TMOD1: variants seen among roughly 807,000 people sequenced by gnomAD.
The protein encoded by TMOD1 is tropomodulin 1, also known as tropomodulin-1.
In TMOD1, 17 loss-of-function variants were observed where a neutral mutation model predicts 40.6. That is an observed-to-expected ratio of 0.42 (90% confidence interval 0.29 to 0.63). The LOEUF (loss-of-function observed/expected upper bound fraction) is 0.63, where lower values mean the gene tolerates loss of function less well. Among genes scored for constraint, TMOD1 ranks in the 20% least tolerant of loss-of-function variants. TMOD1 has a pLI of 0.22. For synonymous variants in TMOD1, 181 were observed against 175.0 expected (o/e 1.03, Z -0.27); for missense variants, 391 against 447.6 (o/e 0.87, Z 1.14).
At chr9:97,559,794 AATATATATAT>A (rs1193457397) in intron 4 of TMOD1, among the ~76,000 whole-genome samples, 16 of 23,172 alleles carry the variant, frequency 6.9e-4, no homozygotes, top group African/African-American at 2.3e-3. Context: ...AAAAAAAAAA[AATATATATAT>A]ATATATATAT....
At chr9:97,526,066 C>T (rs1179096833) in intron 2 of TMOD1, among the ~76,000 whole-genome samples, 1 of 152,204 alleles carries the variant, frequency 6.6e-6, no homozygotes, top group Non-Finnish European at 1.5e-5. Flanking sequence ...GCATATACAG[C>T]CTTCTGGAGA....
At chr9:97,569,779 A>G (rs1243450452) in intron 8 of TMOD1, among the ~76,000 whole-genome samples, 13 of 151,550 alleles carry the variant, frequency 8.6e-5, no homozygotes, top group Admixed American at 8.6e-4. Flanking sequence ...TTTTCAGAAA[A>G]TAGTCCAGAC....
chr9:97,521,390 C>A (rs1014008567), intron 1 of TMOD1, among the ~76,000 whole-genome samples: 2 of 152,160 alleles, frequency 1.3e-5, no homozygotes, highest in African/African-American at 4.8e-5. Flanking sequence ...TGCAGCCTCT[C>A]TAAGAGATGC....
intron 1 of TMOD1, among the ~76,000 whole-genome samples, chr9:97,509,508 T>G (rs1337048436): frequency 2.5e-5 from 3 of 121,228 alleles, no homozygotes; most frequent in East Asian, 4.5e-4. Flanking sequence ...AGGTTTTTTT[T>G]TTTGTTTTTT....
chr9:97,525,833 TTTTAATGGAATTG>T (rs1830006558), intron 2 of TMOD1, among the ~76,000 whole-genome samples: 1 of 152,230 alleles, frequency 6.6e-6, no homozygotes, highest in Non-Finnish European at 1.5e-5. Flanking sequence ...TTAACTTCCA[TTTTAATGGAATTG>T]TTGTGTCTCC....
At chr9:97,506,046 A>C (rs906884751) in intron 1 of TMOD1, among the ~76,000 whole-genome samples, 4 of 151,704 alleles carry the variant, frequency 2.6e-5, no homozygotes, top group African/African-American at 7.3e-5. Flanking sequence ...ACTCCTCCAA[A>C]TTCTCTTTAC....
intron 2 of TMOD1, among the ~76,000 whole-genome samples, chr9:97,531,638 C>A (rs1331631191): frequency 6.6e-6 from 1 of 152,064 alleles, no homozygotes; most frequent in Non-Finnish European, 1.5e-5. Flanking sequence ...AACAAAGGGC[C>A]ATGAATTGCA....
At position 97,557,427 on chromosome 9, in the gene TMOD1, G is replaced by A. The variant is rs185789669; in HGVS notation, c.397+4027G>A. 6.6e-6 allele frequency among the ~76,000 whole-genome samples: 1 copy of A among 152,290 alleles called. No individual in the cohort carries two copies. Among genetic ancestry groups the A allele is most frequent in the Admixed American group, 6.5e-5 (1 of 15,310 alleles). ...AGGAAGTGGGGTAGGGAGACTCATC[G>A]TTTAGATGGGACAGCCTCGGGCCAC... On this transcript the variant is annotated intron_variant, in intron 4 of 9. Coordinates refer to ENST00000259365, the MANE Select transcript of TMOD1 (RefSeq NM_003275.4). The surrounding 1 kb of genome is among the most constrained non-coding windows in gnomAD (Gnocchi z 4.4).
At chr9:97,543,193 A>G (rs1488041276) in intron 2 of TMOD1, among the ~76,000 whole-genome samples, 1 of 152,258 alleles carries the variant, frequency 6.6e-6, no homozygotes, top group Non-Finnish European at 1.5e-5. Context: ...AACATGCCCC[A>G]GCATCTTACT....
chr9:97,574,230 G>C (rs1563995312), intron 8 of TMOD1, among the ~76,000 whole-genome samples: 1 of 152,074 alleles, frequency 6.6e-6, no homozygotes, highest in African/African-American at 2.4e-5. Context: ...GAGAGGCGCC[G>C]GCGGGAACCA....
At chr9:97,503,338 T>C (rs1225304279) in intron 1 of TMOD1, among the ~76,000 whole-genome samples, 2 of 152,240 alleles carry the variant, frequency 1.3e-5, no homozygotes, top group Admixed American at 1.3e-4. Flanking sequence ...CTTTACCTTG[T>C]CTGGACAATA....
intron 8 of TMOD1, among the ~76,000 whole-genome samples, chr9:97,578,927 C>T (rs932916): frequency 0.22 from 34,108 of 152,006 alleles, 4,592 homozygotes; most frequent in African/African-American, 0.38. Flanking sequence ...TTCCTGCTAA[C>T]TGGGGAGGGT....
intron 8 of TMOD1, among the ~76,000 whole-genome samples, chr9:97,572,900 C>T (rs1457987128): frequency 6.6e-6 from 1 of 152,174 alleles, no homozygotes; most frequent in Non-Finnish European, 1.5e-5. Flanking sequence ...GTTCTGTTGC[C>T]ACCTGTGGTT....
intron 8 of TMOD1, 38 bp downstream of exon 8, chr9:97,569,075 A>G (rs925838614): frequency 1.7e-5 from 28 of 1,607,238 alleles, no homozygotes; most frequent in Non-Finnish European, 2.3e-5. Context: ...CTGTTACTAC[A>G]TGCAGCTCGC....
chr9:97,517,512 C>T (rs940559928), intron 1 of TMOD1, among the ~76,000 whole-genome samples: 7 of 151,956 alleles, frequency 4.6e-5, no homozygotes, highest in South Asian at 2.1e-4. Flanking sequence ...AAGCCGGACA[C>T]GCATGCTGGG....
intron 1 of TMOD1, among the ~76,000 whole-genome samples, chr9:97,518,465 G>T (rs758106860): frequency 3.3e-5 from 5 of 152,216 alleles, no homozygotes; most frequent in Non-Finnish European, 7.3e-5. Context: ...GGGCTTTGAC[G>T]GGGGCATCCC....
intron 8 of TMOD1, among the ~76,000 whole-genome samples, chr9:97,576,800 ATTTTT>A (rs577416201): frequency 6.8e-6 from 1 of 146,688 alleles, no homozygotes; most frequent in South Asian, 2.2e-4. Context: ...CGTCCAGCTA[ATTTTT>A]TTTTTTGTAT....
intron 4 of TMOD1, among the ~76,000 whole-genome samples, chr9:97,562,021 A>C (rs1281009043): frequency 6.6e-6 from 1 of 152,212 alleles, no homozygotes; most frequent in African/African-American, 2.4e-5. Context: ...TTTCAGCTCC[A>C]TGAGCGGAGA....
Position 97,546,360 on chromosome 9 carries a change from G to A in TMOD1, c.277+19G>A, listed in dbSNP as rs1429021483. On this transcript the variant is annotated intron_variant, in intron 3 of 9. Coordinates refer to ENST00000259365, the MANE Select transcript of TMOD1 (RefSeq NM_003275.4). ...AAACGAGGTACTGAACAATGTTACTGTTATAATATGCCACTCCCCATGCAC... is the reference window on the plus strand; with the variant it reads ...AAACGAGGTACTGAACAATGTTACTATTATAATATGCCACTCCCCATGCAC... 6 of 1,609,396 alleles carry A rather than the reference G, an allele frequency of 3.7e-6. No homozygotes were observed. The highest frequency in any genetic ancestry group is 5.1e-6 in the Non-Finnish European group (6 of 1,178,080).
Sources: gnomAD v4.1 joint callset for allele counts (sites outside exome capture counted in the v4.1 genomes callset) on GRCh38, gnomAD v4.1.1 for gene constraint, Gnocchi (gnomAD v3.1) non-coding constraint, MANE v1.5 for transcripts, NCBI Gene and HGNC (gene_info 2026-07-23, HGNC 2026-07-21) for gene names.